The following MARCHF3 variants were observed in gnomAD, a reference collection of about 807,000 sequenced individuals.
The protein encoded by MARCHF3 is E3 ubiquitin-protein ligase MARCHF3.
MARCHF3 carries 13 observed loss-of-function variants against 24.2 expected under a neutral mutation model. The ratio of observed to expected loss-of-function variants is 0.54; its 90% CI spans 0.35 to 0.85. MARCHF3 has a LOEUF of 0.85. MARCHF3 is among the 40% of genes least tolerant of loss of function. The pLI is 0.01. For synonymous variants in MARCHF3, 144 were observed against 137.3 expected (o/e 1.05, Z -0.34); for missense variants, 276 against 325.0 (o/e 0.85, Z 1.16).
intron 1 of MARCHF3, among the ~76,000 whole-genome samples, chr5:126,925,088 T>G (rs1021257571): frequency 6.6e-6 from 1 of 152,212 alleles, no homozygotes; most frequent in African/African-American, 2.4e-5. Context: ...TATTTTCTGC[T>G]AGGTGCTCAT....
chr5:126,974,000 C>A (rs1751109947), intron 1 of MARCHF3, among the ~76,000 whole-genome samples: 1 of 150,178 alleles, frequency 6.7e-6, no homozygotes, highest in Non-Finnish European at 1.5e-5. Context: ...CGGGTTCACG[C>A]CATTCTCCTG....
At chr5:126,935,601 CTTT>C (rs202058243) in intron 1 of MARCHF3, among the ~76,000 whole-genome samples, 800 of 70,454 alleles carry the variant, frequency 0.011, 3 homozygotes, top group African/African-American at 0.039. Context: ...GTATATATGG[CTTT>C]TTTTTTTTTT....
chr5:126,954,199 A>ATTTTTTTTTTTTTTT (rs750262766), intron 1 of MARCHF3, among the ~76,000 whole-genome samples: 1 of 114,084 alleles, frequency 8.8e-6, no homozygotes, highest in African/African-American at 3.5e-5. Context: ...CGCCCGGCTA[A>ATTTTTTTTTTTTTTT]TTTTTTTTTT....
At chr5:126,936,674 T>TG (rs1749656795) in intron 1 of MARCHF3, among the ~76,000 whole-genome samples, 1 of 152,206 alleles carries the variant, frequency 6.6e-6, no homozygotes, top group Non-Finnish European at 1.5e-5. Context: ...AAAAAACAGT[T>TG]GAACAAATAG....
chr5:127,019,643 T>C (rs7736693), intron 1 of MARCHF3, among the ~76,000 whole-genome samples: 84,291 of 152,102 alleles, frequency 0.55, 24,165 homozygotes, highest in East Asian at 0.79. Flanking sequence ...CAGTCTTAGA[T>C]TGGAATGGTC....
chr5:126,947,558 G>A (rs1750072795), intron 1 of MARCHF3, among the ~76,000 whole-genome samples: 1 of 152,160 alleles, frequency 6.6e-6, no homozygotes, highest in Non-Finnish European at 1.5e-5. Flanking sequence ...TGTGAACTTA[G>A]AGGTTCATGA....
intron 1 of MARCHF3, among the ~76,000 whole-genome samples, chr5:127,028,562 GT>G (rs796894152): frequency 0.049 from 6,756 of 138,414 alleles, 220 homozygotes; most frequent in South Asian, 0.15. Context: ...ATTAAGGTAG[GT>G]TTTTTTTTTT....
rs188237959 is a variant in MARCHF3, at chr5:126,900,500, A to G, written c.393+14430T>C. On this transcript the variant is annotated intron_variant, in intron 3 of 4. Coordinates refer to ENST00000308660, the MANE Select transcript of MARCHF3 (RefSeq NM_178450.5). ...AGACAGAAGTTGGCAGTCTGCAACC[A>G]GGAGGAGGACCCTCACTAGAACCCA... is the stretch of plus-strand genomic sequence containing the variant. Among the ~76,000 whole-genome samples the G allele has an allele frequency of 1.3e-3, 194 of 152,150 alleles. 2 individuals carry two copies. The highest frequency in any genetic ancestry group is 4.5e-3 in the African/African-American group (187 of 41,490).
At chr5:126,995,094 C>T (rs549010818) in intron 1 of MARCHF3, among the ~76,000 whole-genome samples, 34 of 152,358 alleles carry the variant, frequency 2.2e-4, no homozygotes, top group Non-Finnish European at 3.8e-4. Context: ...AGTCCACTGA[C>T]TCAAATGTGA....
At chr5:126,976,774 C>A (rs150461194) in intron 1 of MARCHF3, among the ~76,000 whole-genome samples, 3 of 152,342 alleles carry the variant, frequency 2.0e-5, no homozygotes, top group African/African-American at 7.2e-5. Context: ...TGGGAATCCT[C>A]GCCCCGATCC....
intron 4 of MARCHF3, among the ~76,000 whole-genome samples, chr5:126,877,414 A>T: frequency 6.6e-6 from 1 of 152,234 alleles, no homozygotes; most frequent in East Asian, 1.9e-4. Flanking sequence ...GAAGACAGTG[A>T]TGTCCTTCCC....
intron 1 of MARCHF3, among the ~76,000 whole-genome samples, chr5:126,938,585 G>A (rs879441347): frequency 9.9e-5 from 15 of 151,588 alleles, no homozygotes; most frequent in Non-Finnish European, 1.5e-4. Flanking sequence ...AAAACCCTTA[G>A]AGCCAAATCC....
At chr5:127,006,754 C>T (rs1322436331) in intron 1 of MARCHF3, among the ~76,000 whole-genome samples, 1 of 152,102 alleles carries the variant, frequency 6.6e-6, no homozygotes, top group Non-Finnish European at 1.5e-5. Flanking sequence ...TTTTCATGGT[C>T]CTTTCACAAT....
chr5:126,976,022 G>A (rs1751183442), intron 1 of MARCHF3, among the ~76,000 whole-genome samples: 1 of 151,964 alleles, frequency 6.6e-6, no homozygotes. Flanking sequence ...AGGGTGATGT[G>A]CAAAAAAGCT....
At chr5:127,009,088 T>C (rs1409664325) in intron 1 of MARCHF3, among the ~76,000 whole-genome samples, 3 of 152,084 alleles carry the variant, frequency 2.0e-5, no homozygotes, top group African/African-American at 4.8e-5. Flanking sequence ...AAAGATGATC[T>C]CCAGAATCTG....
chr5:126,871,299 G>C (rs1318035081), intron 4 of MARCHF3, among the ~76,000 whole-genome samples: 1 of 152,164 alleles, frequency 6.6e-6, no homozygotes, highest in Non-Finnish European at 1.5e-5. Flanking sequence ...CTGTCCTGTG[G>C]ACAACCTGCC....
At chr5:126,960,491 G>A (rs897822444) in intron 1 of MARCHF3, among the ~76,000 whole-genome samples, 1 of 152,100 alleles carries the variant, frequency 6.6e-6, no homozygotes, top group Non-Finnish European at 1.5e-5. Context: ...CAGAAGCAGA[G>A]TATAAATCTT....
chr5:126,925,260 T>G (rs942990698), intron 1 of MARCHF3, among the ~76,000 whole-genome samples: 1 of 152,178 alleles, frequency 6.6e-6, no homozygotes, highest in Non-Finnish European at 1.5e-5. Flanking sequence ...ATAAAGCAAG[T>G]TGGATCCGGG....
chr5:126,925,453 G>A (rs1289869734), intron 1 of MARCHF3, among the ~76,000 whole-genome samples: 5 of 151,872 alleles, frequency 3.3e-5, no homozygotes, highest in Non-Finnish European at 5.9e-5. Context: ...AAATCCTCTA[G>A]TTCTGCTGAA....
Sources: gnomAD v4.1 joint callset for allele counts (sites outside exome capture counted in the v4.1 genomes callset) on GRCh38, gnomAD v4.1.1 for gene constraint, MANE v1.5 for transcripts, NCBI Gene and HGNC (gene_info 2026-07-23, HGNC 2026-07-21) for gene names.